Variants in RREB1 observed in about 807,000 individuals in gnomAD.
The protein encoded by RREB1 is ras-responsive element-binding protein 1.
Under a neutral mutation model 117.8 loss-of-function variants are expected in RREB1, and 27 were observed. That is an observed-to-expected ratio of 0.23 (90% CI 0.17 to 0.32). The LOEUF (loss-of-function observed/expected upper bound fraction) is 0.32. RREB1 is among the 10% of genes least tolerant of loss of function. RREB1 has a pLI of 1.00. For missense variants in RREB1, 2,577 were observed against 2,378.2 expected, an observed-to-expected ratio of 1.08 and a Z score of -1.74; for synonymous variants, 1,298 against 1,026.7, an observed-to-expected ratio of 1.26 and a Z score of -5.05.
chr6:7,251,274 G>T lies in RREB1; in HGVS notation c.*2306G>T, dbSNP rs1769395831. The stretch of plus-strand genomic sequence containing the variant: ...AGTGAGGTGGAGAAACGTATTATTT[G>T]TTTGTTGTTTTTGCCCTTCCCCCAC... On this transcript the variant is annotated 3_prime_UTR_variant, in exon 13 of 13. Coordinates refer to ENST00000379938, the MANE Select transcript of RREB1 (RefSeq NM_001003699.4). 1 of 152,050 alleles carries T rather than the reference G, an allele frequency of 6.6e-6. No homozygotes were observed. Among genetic ancestry groups the T allele is most frequent in the South Asian group, 2.1e-4 (1 of 4,830 alleles). 9.4% of individuals were successfully genotyped at this position (152,050 alleles called of 1,614,324 possible).
At chr6:7,165,230 G>A (rs533139300) in intron 1 of RREB1, among the ~76,000 whole-genome samples, 10 of 152,322 alleles carry the variant, frequency 6.6e-5, no homozygotes, top group African/African-American at 1.9e-4. Context: ...CCCTCTAGGC[G>A]AGCTGCAGGA....
At chr6:7,207,391 A>T (rs1332300270) in intron 6 of RREB1, among the ~76,000 whole-genome samples, 1 of 152,202 alleles carries the variant, frequency 6.6e-6, no homozygotes, top group African/African-American at 2.4e-5. Context: ...CATATTGTTA[A>T]TGTAAGACTT....
At chr6:7,247,324 T>G in intron 12 of RREB1, 103 bp downstream of exon 12, 1 of 1,016,800 alleles carries the variant, frequency 9.8e-7, no homozygotes, top group Non-Finnish European at 1.4e-6. Flanking sequence ...CGAGAGAACG[T>G]TTGCTTACGT....
chr6:7,182,115 G>A (rs1764840891), intron 4 of RREB1, 33 bp downstream of exon 4: 1 of 1,582,742 alleles, frequency 6.3e-7, no homozygotes, highest in Admixed American at 1.7e-5. Context: ...GACCTCTGGT[G>A]GGTTCAATCC....
intron 6 of RREB1, among the ~76,000 whole-genome samples, chr6:7,195,956 G>A (rs1158664510): frequency 6.6e-6 from 1 of 152,216 alleles, no homozygotes; most frequent in African/African-American, 2.4e-5. Flanking sequence ...GTGGATTTCT[G>A]GAGTTTCATT....
chr6:7,228,987 T>C lies in RREB1; in HGVS notation c.898-10T>C, dbSNP rs770786364. The stretch of plus-strand genomic sequence containing the variant: ...GTGTTCCCTTGCTTTTACCGGTGGG[T>C]TCTATATAGGCCTGGTGCGAAACAA... On this transcript the variant is annotated splice_polypyrimidine_tract_variant and intron_variant, in intron 9 of 12. Coordinates refer to ENST00000379938, the MANE Select transcript of RREB1 (RefSeq NM_001003699.4). 6.7e-7 allele frequency: 1 copy of C among 1,503,174 alleles called. No homozygotes were observed. The highest frequency in any genetic ancestry group is 8.9e-7 in the Non-Finnish European group (1 of 1,123,296). 93.1% of individuals were successfully genotyped at this position (1,503,174 alleles called of 1,614,324 possible). A position where few individuals can be genotyped will look rare whatever the true frequency, so the allele number is the denominator to read the frequency against.
rs986121138 is a variant in RREB1 at position 7,132,393 on chromosome 6, G to A, written c.-285+24333G>A. On this transcript the variant is annotated intron_variant, in intron 1 of 12. Transcript: ENST00000379938. The stretch of plus-strand genomic sequence containing the variant: ...ACTGTGTTGCCCAGTCTGGTCTCCT[G>A]GGCCTCAAGCGATCCATCTACGTTG... 2.0e-5 allele frequency among the ~76,000 whole-genome samples: 3 copies of A among 151,958 alleles called. No individual in the cohort carries two copies. The East Asian group carries it at 5.8e-4, about 29-fold the overall frequency.
Position 7,246,986 on chromosome 6 carries a change from G to A in RREB1, c.4536G>A (p.Pro1512=), listed in dbSNP as rs763174623. 9.4e-6 allele frequency: 15 copies of A among 1,591,332 alleles called. No individual in the cohort carries two copies. Among genetic ancestry groups the A allele is most frequent in the African/African-American group, 2.7e-5 (2 of 73,926 alleles). The change falls in exon 12 of 13, where the codon CCG becomes CCA. Residue 1512 remains proline, a synonymous_variant. Coordinates refer to ENST00000379938, the MANE Select transcript of RREB1 (RefSeq NM_001003699.4). ...ETPAEVVESA[P]GAGEAPAEKL... ...CGGCAGAGGTGGTGGAGTCGGCCCC[G>A]GGTGCCGGGGAGGCCCCGGCGGAAA...
At chr6:7,117,431 G>A (rs150136868) in intron 1 of RREB1, among the ~76,000 whole-genome samples, 3 of 74,382 alleles carry the variant, frequency 4.0e-5, no homozygotes, top group African/African-American at 5.5e-5. Flanking sequence ...TTTTTGAGAC[G>A]AAGTGTTTTA....
intron 11 of RREB1, among the ~76,000 whole-genome samples, chr6:7,244,730 G>A (rs1768907148): frequency 6.6e-6 from 1 of 152,212 alleles, no homozygotes; most frequent in Admixed American, 6.5e-5. Flanking sequence ...CTAATGAAAT[G>A]AAATGATGTA....
At position 7,231,243 on chromosome 6, in the gene RREB1, G is replaced by T; in HGVS notation, c.3144G>T (p.Lys1048Asn). ...CCTTGCTGCGTCCACTGCGGCCCAA[G>T]CCCCCGCTGCTTTTGCCAAAGCCCC... is the stretch of plus-strand genomic sequence containing the variant. ...GTALLRPLRPKPPLLLPKPPV... is the reference protein window; with the variant it reads ...GTALLRPLRPNPPLLLPKPPV... The change falls in exon 10 of 13, where the codon AAG becomes AAT. Residue 1048 changes from lysine to asparagine, a missense_variant. Coordinates refer to ENST00000379938, the MANE Select transcript of RREB1 (RefSeq NM_001003699.4). 1 of 1,612,498 alleles carries T rather than the reference G, an allele frequency of 6.2e-7. No individual in the cohort carries two copies.
chr6:7,151,002 A>G (rs898240909), intron 1 of RREB1, among the ~76,000 whole-genome samples: 4 of 152,222 alleles, frequency 2.6e-5, no homozygotes, highest in Admixed American at 6.5e-5. Context: ...TGCATCAGTC[A>G]TAGGCACAGA....
chr6:7,108,738 G>C (rs1406770242), intron 1 of RREB1: 1 of 152,006 alleles, frequency 6.6e-6, no homozygotes, highest in Non-Finnish European at 1.5e-5. Context: ...GCTCGCGCGG[G>C]GGTGCCTGCT....
At chr6:7,156,122 C>T (rs1763350397) in intron 1 of RREB1, among the ~76,000 whole-genome samples, 1 of 152,202 alleles carries the variant, frequency 6.6e-6, no homozygotes, top group Non-Finnish European at 1.5e-5. Flanking sequence ...TTTTCTCATT[C>T]ACACTTAAGA....
chr6:7,135,847 A>C (rs1447538027), intron 1 of RREB1, among the ~76,000 whole-genome samples: 1 of 152,230 alleles, frequency 6.6e-6, no homozygotes, highest in Non-Finnish European at 1.5e-5. Flanking sequence ...GAGCACAGGA[A>C]AGAATGGGAT....
chr6:7,164,514 C>T (rs910906482), intron 1 of RREB1, among the ~76,000 whole-genome samples: 2 of 152,190 alleles, frequency 1.3e-5, no homozygotes, highest in Admixed American at 1.3e-4. Flanking sequence ...AATGGAACTC[C>T]TACCCTTGTA....
At chr6:7,228,260 CAT>C (rs1317620619) in intron 9 of RREB1, among the ~76,000 whole-genome samples, 1 of 151,962 alleles carries the variant, frequency 6.6e-6, no homozygotes, top group Non-Finnish European at 1.5e-5. Context: ...CTTCCACAAT[CAT>C]AGAGGGGTAG....
Position 7,210,848 on chromosome 6 carries a change from C to T in RREB1, c.470C>T (p.Thr157Ile), listed in dbSNP as rs148851650. The T allele has an allele frequency of 6.2e-7, 1 of 1,614,074 alleles. No homozygotes were observed. The highest frequency in any genetic ancestry group is 2.2e-5 in the East Asian group (1 of 44,884). Residue 157 changes from threonine to isoleucine, a missense_variant, in exon 7 of 13, where the codon ACA becomes ATA. Coordinates refer to ENST00000379938, the MANE Select transcript of RREB1 (RefSeq NM_001003699.4). Reference sequence around the variant, plus strand: ...AAGGACCCTAACAGTGCCACAGCCACAGCCCCTCCATCTCCTCTGAAACGT... The same window carrying T: ...AAGGACCCTAACAGTGCCACAGCCATAGCCCCTCCATCTCCTCTGAAACGT... ...HEKDPNSATA[T>I]APPSPLKRRR...
chr6:7,150,172 A>G (rs1467666960), intron 1 of RREB1, among the ~76,000 whole-genome samples: 1 of 152,174 alleles, frequency 6.6e-6, no homozygotes, highest in Non-Finnish European at 1.5e-5. Flanking sequence ...AAAACTCCCC[A>G]GAGTTGCTAA....
Sources: allele counts gnomAD v4.1 joint callset (sites outside exome capture counted in the v4.1 genomes callset), GRCh38; gene constraint gnomAD v4.1.1; transcripts MANE v1.5; gene names NCBI Gene and HGNC (gene_info 2026-07-23, HGNC 2026-07-21).